The following NBAS variants were observed in gnomAD, a reference collection of about 807,000 sequenced individuals.
NBAS encodes the protein NBAS subunit of NRZ tethering complex.
NBAS carries 219 observed loss-of-function variants against 302.5 expected under a neutral mutation model. The ratio of observed to expected loss-of-function variants is 0.72; its 90% CI spans 0.65 to 0.81. The LOEUF (loss-of-function observed/expected upper bound fraction) is 0.81, where lower values mean the gene tolerates loss of function less well. Ranked by LOEUF, NBAS falls within the 30% of genes least tolerant of loss-of-function variation. The pLI is 0.00. For missense variants in NBAS, 2,932 were observed against 2,841.6 expected (o/e 1.03, Z -0.72); for synonymous variants, 1,118 against 1,021.6 (o/e 1.09, Z -1.80).
chr2:15,084,683 G>A, the NBAS span, among the ~76,000 whole-genome samples: 1 of 147,668 alleles, frequency 6.8e-6, no homozygotes, highest in Non-Finnish European at 1.5e-5. Flanking sequence ...CCATATCGGC[G>A]GGGCGGGGGG....
rs182247818 is a variant in NBAS, at chr2:15,225,448, C to A, written c.6237-6480G>T. 2.6e-5 allele frequency among the ~76,000 whole-genome samples: 4 copies of A among 152,180 alleles called. No homozygotes were observed. In the East Asian group the frequency reaches 7.7e-4, roughly 29 times the overall value. ...ACACTGGATGATCTACTTTGCCTCACAGAGCAGGAAGAAGGAAAAAAAATC... is the reference window on the plus strand; with the variant it reads ...ACACTGGATGATCTACTTTGCCTCAAAGAGCAGGAAGAAGGAAAAAAAATC... On this transcript the variant is annotated intron_variant, in intron 47 of 51. Coordinates refer to ENST00000281513, the MANE Select transcript of NBAS (RefSeq NM_015909.4).
chr2:14,854,660 T>C, the NBAS span, among the ~76,000 whole-genome samples: 1 of 152,030 alleles, frequency 6.6e-6, no homozygotes, highest in South Asian at 2.1e-4. Context: ...TGTGAGCCAT[T>C]GAATGCAGTG....
At chr2:15,304,028 G>A (rs1572623080) in intron 40 of NBAS, among the ~76,000 whole-genome samples, 1 of 152,328 alleles carries the variant, frequency 6.6e-6, no homozygotes, top group South Asian at 2.1e-4. Context: ...TGTGGCACAT[G>A]AGGGATGCTT....
rs776034551 is a variant in NBAS at position 15,292,775 on chromosome 2, G to A, written c.4798-9C>T. 7.4e-6 allele frequency: 12 copies of A among 1,613,482 alleles called. No individual in the cohort carries two copies. The highest frequency in any genetic ancestry group is 1.0e-5 in the Non-Finnish European group (12 of 1,179,468). The stretch of plus-strand genomic sequence containing the variant: ...AGTTCTTTGGGATCAGCCTATGAAA[G>A]ACATGGAAAAGAAGACATTTTACCA... On this transcript the variant is annotated splice_polypyrimidine_tract_variant and intron_variant, in intron 40 of 51. Transcript: ENST00000281513.
At chr2:15,032,867 C>A in the NBAS span, among the ~76,000 whole-genome samples, 5 of 152,324 alleles carry the variant, frequency 3.3e-5, no homozygotes, top group African/African-American at 9.6e-5. Flanking sequence ...AAAACATGCT[C>A]TATTCTTCAA....
intron 42 of NBAS, among the ~76,000 whole-genome samples, chr2:15,282,250 C>T (rs145885992): frequency 6.6e-6 from 1 of 152,284 alleles, no homozygotes; most frequent in Non-Finnish European, 1.5e-5. Flanking sequence ...ACCACTCTCA[C>T]ACTAACTCTT....
rs758597880 is a variant in NBAS, at chr2:15,276,940, T to C, written c.5300A>G (p.Glu1767Gly). The change falls in exon 43 of 52, where the codon GAA (glutamate) becomes GGA (glycine). Residue 1767 changes from glutamate to glycine, a missense_variant. Transcript: ENST00000281513. Reference protein sequence around the residue: ...ERLQYYFTLLENCGCADLGNC... With the variant: ...ERLQYYFTLLGNCGCADLGNC... ...CCCCAAATCTGCACAGCCACAGTTT[T>C]CCAGAAGAGTGAAATAATACTGCAG... 1.4e-5 allele frequency: 22 copies of C among 1,613,980 alleles called. No homozygotes were observed. Among genetic ancestry groups the C allele is most frequent in the Middle Eastern group, 3.3e-4 (2 of 6,082 alleles).
At chr2:15,124,071 A>C in the NBAS span, among the ~76,000 whole-genome samples, 2 of 152,186 alleles carry the variant, frequency 1.3e-5, no homozygotes, top group African/African-American at 4.8e-5. Flanking sequence ...CAGGCTGACA[A>C]GGTCTCAGAT....
chr2:15,539,424 C>G (rs1663690482), intron 6 of NBAS, 68 bp from the exon 7 acceptor site: 1 of 1,563,840 alleles, frequency 6.4e-7, no homozygotes, highest in African/African-American at 1.4e-5. Flanking sequence ...CTTTTAGTAA[C>G]TGCAACTAAA....
At chr2:15,173,505 A>G (rs564134135) in intron 51 of NBAS, among the ~76,000 whole-genome samples, 143 of 152,344 alleles carry the variant, frequency 9.4e-4, no homozygotes, top group African/African-American at 3.2e-3. Flanking sequence ...TTAAAATATC[A>G]ACCACAAGGG....
intron 19 of NBAS, 53 bp from the exon 20 acceptor site, chr2:15,461,844 G>T: frequency 4.0e-6 from 4 of 988,212 alleles, no homozygotes; most frequent in Non-Finnish European, 6.4e-6. Flanking sequence ...TTAAATATGG[G>T]TGACAAGAAA....
the NBAS span, among the ~76,000 whole-genome samples, chr2:14,918,229 C>T: frequency 2.6e-5 from 4 of 151,172 alleles, no homozygotes; most frequent in South Asian, 4.2e-4. Flanking sequence ...TTATCAAGTA[C>T]GTACTCTGTG....
chr2:15,262,822 C>A (rs570641099), intron 44 of NBAS, among the ~76,000 whole-genome samples: 1 of 152,076 alleles, frequency 6.6e-6, no homozygotes, highest in Non-Finnish European at 1.5e-5. Flanking sequence ...CATAAAAAGG[C>A]CCTCATCAGA....
At chr2:14,814,143 G>A in the NBAS span, among the ~76,000 whole-genome samples, 2 of 152,186 alleles carry the variant, frequency 1.3e-5, no homozygotes, top group Non-Finnish European at 2.9e-5. Context: ...TCTGCTGCAG[G>A]GGCACAGCCC....
the NBAS span, among the ~76,000 whole-genome samples, chr2:15,080,958 G>A: frequency 6.6e-6 from 1 of 152,230 alleles, no homozygotes; most frequent in East Asian, 1.9e-4. Flanking sequence ...AACAAACCCA[G>A]CCCTTGATGG....
intron 47 of NBAS, among the ~76,000 whole-genome samples, 159 bp from the exon 48 acceptor site, chr2:15,219,127 G>T (rs190183583): frequency 1.2e-4 from 18 of 152,074 alleles, no homozygotes; most frequent in African/African-American, 4.3e-4. Flanking sequence ...GGCTTACAGC[G>T]AACTGTATTA....
At chr2:15,352,591 T>C (rs1673417130) in intron 34 of NBAS, among the ~76,000 whole-genome samples, 1 of 152,180 alleles carries the variant, frequency 6.6e-6, no homozygotes, top group Admixed American at 6.5e-5. Flanking sequence ...CCTTCTCTCC[T>C]GATTCTTCCC....
intron 9 of NBAS, among the ~76,000 whole-genome samples, chr2:15,528,866 CA>C (rs67437705): frequency 0.012 from 1,076 of 88,690 alleles, 13 homozygotes; most frequent in African/African-American, 0.041. Flanking sequence ...GACTCCATCT[CA>C]AAAAAAAAAA....
the NBAS span, among the ~76,000 whole-genome samples, chr2:14,994,941 C>T: frequency 6.6e-6 from 1 of 152,192 alleles, no homozygotes; most frequent in African/African-American, 2.4e-5. Context: ...CCTTGAAGCC[C>T]ATGGCTGGAC....
Sources: allele counts gnomAD v4.1 joint callset (sites outside exome capture counted in the v4.1 genomes callset), GRCh38; gene constraint gnomAD v4.1.1; transcripts MANE v1.5; gene names NCBI Gene and HGNC (gene_info 2026-07-23, HGNC 2026-07-21).